The following MAP4K4 variants were observed in gnomAD, a reference collection of about 807,000 sequenced individuals.
The protein encoded by MAP4K4 is mitogen-activated protein kinase kinase kinase kinase 4.
A neutral mutation model predicts 189.6 loss-of-function variants in MAP4K4; 38 were observed. That is an observed-to-expected ratio of 0.20 (90% CI 0.15 to 0.26). The LOEUF (loss-of-function observed/expected upper bound fraction) is 0.26, where lower values mean the gene tolerates loss of function less well. MAP4K4 is among the 10% of genes least tolerant of loss of function. The pLI is 1.00. For synonymous variants in MAP4K4, 610 were observed against 624.3 expected, an observed-to-expected ratio of 0.98 and a Z score of 0.34; for missense variants, 1,054 against 1,726.9, an observed-to-expected ratio of 0.61 and a Z score of 6.91.
At chr2:101,764,229 A>G (rs181717300) in intron 2 of MAP4K4, among the ~76,000 whole-genome samples, 32 of 152,342 alleles carry the variant, frequency 2.1e-4, no homozygotes, top group African/African-American at 7.0e-4. Flanking sequence ...TGTCAAACAT[A>G]TGTAGCATTG....
chr2:101,758,180 A>C (rs906126501), intron 2 of MAP4K4, among the ~76,000 whole-genome samples: 1 of 152,242 alleles, frequency 6.6e-6, no homozygotes, highest in Non-Finnish European at 1.5e-5. Context: ...TAATGGGGGT[A>C]CTACTGTTGT....
intron 3 of MAP4K4, among the ~76,000 whole-genome samples, chr2:101,796,298 C>A (rs2093681530): frequency 6.6e-6 from 1 of 152,090 alleles, no homozygotes; most frequent in African/African-American, 2.4e-5. Context: ...TGGTTCCATC[C>A]CAGATTACTG....
chr2:101,808,374 A>ATTC (rs1253952391), intron 3 of MAP4K4, among the ~76,000 whole-genome samples: 1 of 152,128 alleles, frequency 6.6e-6, no homozygotes, highest in Non-Finnish European at 1.5e-5. Flanking sequence ...GAATTCATGG[A>ATTC]TTCTTGCTGC....
At chr2:101,837,026 T>C (rs1025122046) in intron 9 of MAP4K4, among the ~76,000 whole-genome samples, 1 of 152,082 alleles carries the variant, frequency 6.6e-6, no homozygotes, top group African/African-American at 2.4e-5. Flanking sequence ...TGGCTCTTCA[T>C]GCATGGTCTC....
At position 101,698,353 on chromosome 2, in the gene MAP4K4, G is replaced by A. The variant is rs1198791499; in HGVS notation, c.58-120G>A. The A allele has an allele frequency of 2.4e-5, 24 of 999,712 alleles. 1 individual carries two copies. The highest frequency in any genetic ancestry group is 5.3e-5 in the South Asian group (4 of 76,182). 61.9% of individuals were successfully genotyped at this position (999,712 alleles called of 1,614,324 possible). ...GCCGCGCGACCCCCGGGCGCTGGGGGACCGCGCGGGGCGAAGCCCACCTCT... is the reference window on the plus strand; with the variant it reads ...GCCGCGCGACCCCCGGGCGCTGGGGAACCGCGCGGGGCGAAGCCCACCTCT... On this transcript the variant is annotated intron_variant, in intron 1 of 32. Transcript: ENST00000324219.
At chr2:101,876,046 G>A (rs866095499) in intron 26 of MAP4K4, among the ~76,000 whole-genome samples, 9 of 152,282 alleles carry the variant, frequency 5.9e-5, no homozygotes, top group Middle Eastern at 3.4e-3. Context: ...TGAGAGCAGA[G>A]GAAAGGGAAA....
At chr2:101,855,499 A>T (rs2097425351) in intron 12 of MAP4K4, among the ~76,000 whole-genome samples, 1 of 152,218 alleles carries the variant, frequency 6.6e-6, no homozygotes, top group Non-Finnish European at 1.5e-5. Context: ...ATTAATAATA[A>T]TGGTCCTGGT....
At chr2:101,841,304 C>T (rs1306056143) in intron 10 of MAP4K4, among the ~76,000 whole-genome samples, 1 of 152,126 alleles carries the variant, frequency 6.6e-6, no homozygotes, top group African/African-American at 2.4e-5. Flanking sequence ...TTTAAGGATT[C>T]TGAAGATTAT....
In MAP4K4 at chr2:101,825,291, C is replaced by T. The variant is rs150431055; in HGVS notation, c.307-28C>T. The T allele has an allele frequency of 2.2e-4, 321 of 1,444,378 alleles. 1 individual carries two copies. The African/African-American group carries it at 3.7e-3, about 17-fold the overall frequency. The allele number at this position is 1,444,378 out of a possible 1,614,324, so 89.5% of individuals were successfully genotyped here. On this transcript the variant is annotated intron_variant, in intron 4 of 32. Transcript: ENST00000324219. ...TTCCCAATTTCTCCAAGATATGTTG[C>T]TCACCTTGTGTCTTGTCTGCCCTAT...
rs1396098905 is a variant in MAP4K4, at chr2:101,749,943, A to G, written c.124-40777A>G. ...ATCACTGGCCATCAGAGAAATGCAAATCAAAACCACAATGAGATACCATCT... is the reference window on the plus strand; with the variant it reads ...ATCACTGGCCATCAGAGAAATGCAAGTCAAAACCACAATGAGATACCATCT... On this transcript the variant is annotated intron_variant, in intron 2 of 32. Transcript: ENST00000324219. 2.6e-5 allele frequency among the ~76,000 whole-genome samples: 3 copies of G among 117,568 alleles called. No individual in the cohort carries two copies. The East Asian group carries it at 7.0e-4, about 27-fold the overall frequency. 77.1% of individuals were successfully genotyped at this position (117,568 alleles called of 152,430 possible).
chr2:101,878,233 A>G (rs2098272016), intron 27 of MAP4K4, among the ~76,000 whole-genome samples: 1 of 152,252 alleles, frequency 6.6e-6, no homozygotes, highest in Admixed American at 6.5e-5. Flanking sequence ...CTTAAGGGAA[A>G]AAATCTGCAT....
At chr2:101,760,500 C>CAA (rs1373470018) in intron 2 of MAP4K4, among the ~76,000 whole-genome samples, 13 of 91,104 alleles carry the variant, frequency 1.4e-4, no homozygotes, top group African/African-American at 6.3e-4. Context: ...AAAAAAAAAA[C>CAA]AAAATATATA....
At chr2:101,856,572 A>G (rs2097472540) in intron 13 of MAP4K4, among the ~76,000 whole-genome samples, 1 of 152,238 alleles carries the variant, frequency 6.6e-6, no homozygotes, top group South Asian at 2.1e-4. Flanking sequence ...GAATACTGTA[A>G]TATATATCAG....
chr2:101,843,655 G>A (rs1053816268), intron 11 of MAP4K4, among the ~76,000 whole-genome samples: 11 of 152,050 alleles, frequency 7.2e-5, no homozygotes, highest in African/African-American at 2.7e-4. Flanking sequence ...CTGCTGACCT[G>A]GAAATAAGAA....
chr2:101,720,284 C>T (rs2051056065), intron 2 of MAP4K4, among the ~76,000 whole-genome samples: 1 of 151,046 alleles, frequency 6.6e-6, no homozygotes, highest in South Asian at 2.1e-4. Context: ...AGCCATTCTC[C>T]TCCCTCAGCT....
rs959345105 is a variant in MAP4K4 at position 101,873,560 on chromosome 2, C to A, written c.2953-87C>A. 11 of 722,110 alleles carry A rather than the reference C, an allele frequency of 1.5e-5. No homozygotes were observed. The African/African-American group carries it at 1.9e-4, about 13-fold the overall frequency. The allele number at this position is 722,110 out of a possible 1,614,324, so 44.7% of individuals were successfully genotyped here. A position where few individuals can be genotyped will look rare whatever the true frequency, so the allele number is the denominator to read the frequency against. ...TAGAGCAAAGTATTGGGAAATAGTG[C>A]AATATAGAAGTGAATTGAAATGTGT... is the stretch of plus-strand genomic sequence containing the variant. On this transcript the variant is annotated intron_variant, in intron 24 of 32. Transcript: ENST00000324219.
intron 6 of MAP4K4, among the ~76,000 whole-genome samples, chr2:101,831,272 GT>G (rs36076121): frequency 0.69 from 104,908 of 151,972 alleles, 37,748 homozygotes; most frequent in African/African-American, 0.91. Context: ...TCAGTACTGT[GT>G]TTTTTTTCAA....
intron 25 of MAP4K4, 89 bp from the exon 26 acceptor site, chr2:101,873,993 A>G (rs1409007698): frequency 4.3e-6 from 5 of 1,154,586 alleles, no homozygotes; most frequent in Non-Finnish European, 5.0e-6. Context: ...GTTATACCAC[A>G]TGAATATTTA....
chr2:101,763,321 C>G (rs973856827), intron 2 of MAP4K4, among the ~76,000 whole-genome samples: 6 of 152,200 alleles, frequency 3.9e-5, no homozygotes, highest in African/African-American at 1.4e-4. Context: ...TAGTTCATGA[C>G]AGAATCACAT....
Sources: gnomAD v4.1 joint callset for allele counts (sites outside exome capture counted in the v4.1 genomes callset) on GRCh38, gnomAD v4.1.1 for gene constraint, MANE v1.5 for transcripts, NCBI Gene and HGNC (gene_info 2026-07-23, HGNC 2026-07-21) for gene names.